Variants in MNDA observed in about 807,000 individuals in gnomAD.
MNDA encodes the protein myeloid cell nuclear differentiation antigen.
In MNDA, 43 loss-of-function variants were observed where a neutral mutation model predicts 37.8. The ratio of observed to expected loss-of-function variants is 1.14; its 90% CI spans 0.89 to 1.47. MNDA has a LOEUF of 1.47. Ranked by LOEUF, MNDA falls within the 40% of genes most tolerant of loss-of-function variation. The pLI is 0.00. For missense variants in MNDA, 536 were observed against 476.0 expected (o/e 1.13, Z -1.17); for synonymous variants, 181 against 169.0 (o/e 1.07, Z -0.55).
Position 158,846,005 on chromosome 1 carries a change from T to C in MNDA, c.987+2T>C, listed in dbSNP as rs751178583. On this transcript the variant is annotated splice_donor_variant, in intron 5 of 6. Coordinates refer to ENST00000368141, the MANE Select transcript of MNDA (RefSeq NM_002432.3). LOFTEE classifies it high-confidence loss of function. ...TATGGGTTGTTTATGTTACAAAAGG[T>C]AAACCCTTAATTTTGTTTTAATTTT... 16 of 1,582,820 alleles carry C rather than the reference T, an allele frequency of 1.0e-5. No individual in the cohort carries two copies. Among genetic ancestry groups the C allele is most frequent in the Admixed American group, 7.5e-5 (4 of 53,356 alleles).
At chr1:158,842,464 C>G in intron 2 of MNDA, 46 bp downstream of exon 2, 1 of 1,560,460 alleles carries the variant, frequency 6.4e-7, no homozygotes. Context: ...TTGAGTCTCC[C>G]CAGTCTTCAG....
At chr1:158,848,154 C>A (rs74707714) in intron 6 of MNDA, among the ~76,000 whole-genome samples, 1 of 152,068 alleles carries the variant, frequency 6.6e-6, no homozygotes, top group South Asian at 2.1e-4. Context: ...ATGTGTCTAG[C>A]GGCAGGGAAC....
At chr1:158,848,152 A>C (rs1659177915) in intron 6 of MNDA, among the ~76,000 whole-genome samples, 1 of 152,210 alleles carries the variant, frequency 6.6e-6, no homozygotes, top group South Asian at 2.1e-4. Flanking sequence ...AGATGTGTCT[A>C]GCGGCAGGGA....
intron 5 of MNDA, among the ~76,000 whole-genome samples, 168 bp from the exon 6 acceptor site, chr1:158,847,560 G>T (rs937289970): frequency 2.0e-5 from 3 of 152,070 alleles, no homozygotes; most frequent in African/African-American, 7.2e-5. Flanking sequence ...AAAAAAAAAT[G>T]CTGGATAATA....
chr1:158,842,243 C>T lies in MNDA; in HGVS notation c.90C>T (p.Ala30=), dbSNP rs1319838907. 2.5e-6 allele frequency: 4 copies of T among 1,613,838 alleles called. No homozygotes were observed. The highest frequency in any genetic ancestry group is 3.4e-6 in the Non-Finnish European group (4 of 1,179,812). ...TTACATCAATTAAGTCCTTACTGGC[C>T]TATGATTTAGGACTAACTACAAAAA... ...YHFTSIKSLL[A]YDLGLTTKMQ... Residue 30 remains alanine (A), a synonymous_variant, in exon 2 of 7, where the codon GCC becomes GCT. Coordinates refer to ENST00000368141, the MANE Select transcript of MNDA (RefSeq NM_002432.3).
In MNDA at chr1:158,843,428, AAG is replaced by A; in HGVS notation, c.402+16_402+17del. 3 of 1,596,386 alleles carry A rather than the reference AAG, an allele frequency of 1.9e-6. No homozygotes were observed. Among genetic ancestry groups the A allele is most frequent in the Non-Finnish European group, 2.6e-6 (3 of 1,172,522 alleles). On this transcript the variant is annotated intron_variant, in intron 3 of 6. Transcript: ENST00000368141. ...TCCTGTAGCTCAGGTAAGCTTGAGA[AAG>A]AGGAGCAGGACTGAAGCCTCACAGA...
Position 158,845,647 on chromosome 1 carries a change from C to G in MNDA, c.631C>G (p.Pro211Ala). 6.2e-7 allele frequency: 1 copy of G among 1,613,998 alleles called. No individual in the cohort carries two copies. The highest frequency in any genetic ancestry group is 8.5e-7 in the Non-Finnish European group (1 of 1,179,928). The change falls in exon 5 of 7, where the codon CCA becomes GCA. Residue 211 changes from proline to alanine, a missense_variant. By Grantham distance (27) the Pro-to-Ala change is conservative. Coordinates refer to ENST00000368141, the MANE Select transcript of MNDA (RefSeq NM_002432.3). ...AAGAAGAAATGTTCCCCAAAACGACCCAGTGACAGTGGTGGTACTGAAAGC... is the reference window on the plus strand; with the variant it reads ...AAGAAGAAATGTTCCCCAAAACGACGCAGTGACAGTGGTGGTACTGAAAGC... ...DARRNVPQND[P>A]VTVVVLKATA...
intron 1 of MNDA, among the ~76,000 whole-genome samples, chr1:158,835,621 C>T (rs11265083): frequency 5.7e-5 from 2 of 35,016 alleles, no homozygotes; most frequent in Non-Finnish European, 1.1e-4. Context: ...TTGGTGGGGG[C>T]GGGGGGTGGG....
At chr1:158,831,855 A>T (rs943227647) in intron 1 of MNDA, among the ~76,000 whole-genome samples, 1 of 152,166 alleles carries the variant, frequency 6.6e-6, no homozygotes, top group Non-Finnish European at 1.5e-5. Flanking sequence ...TGGCTGGAGG[A>T]TGACTTGGTG....
Position 158,843,958 on chromosome 1 carries a change from A to G in MNDA, c.406A>G (p.Arg136Gly), listed in dbSNP as rs767623674. 4.7e-5 allele frequency: 75 copies of G among 1,580,722 alleles called. No homozygotes were observed. In the South Asian group the frequency reaches 6.2e-4, roughly 13 times the overall value. The stretch of plus-strand genomic sequence containing the variant: ...AGGAAAATTAAACTACTTTCAGAAA[A>G]GAAAAACTCCAAACAAAGAAAAGAC... Reference protein sequence around the residue: ...ARGRIPVAQKRKTPNKEKTEA... With the variant: ...ARGRIPVAQKGKTPNKEKTEA... Residue 136 changes from arginine to glycine, a missense_variant, in exon 4 of 7, where the codon AGA becomes GGA. Transcript: ENST00000368141.
intron 1 of MNDA, among the ~76,000 whole-genome samples, chr1:158,837,413 G>A (rs776242108): frequency 3.4e-4 from 52 of 151,612 alleles, no homozygotes; most frequent in Non-Finnish European, 6.9e-4. Context: ...GTTTCTAATT[G>A]TCATATCTTC....
rs950830301 is a variant in MNDA at position 158,849,162 on chromosome 1, A to C, written c.1177-28A>C. The C allele has an allele frequency of 3.2e-6, 5 of 1,576,134 alleles. No individual in the cohort carries two copies. The African/African-American group carries it at 6.8e-5, about 21-fold the overall frequency. ...GCTTCATTTCAATATCTAGGGTCTC[A>C]TTATGTCTTTCTTATCTCTCTTTAA... On this transcript the variant is annotated intron_variant, in intron 6 of 6. Coordinates refer to ENST00000368141, the MANE Select transcript of MNDA (RefSeq NM_002432.3).
At chr1:158,844,170 A>T (rs768618151) in intron 4 of MNDA, 48 bp downstream of exon 4, 1 of 1,424,960 alleles carries the variant, frequency 7.0e-7, no homozygotes, top group Non-Finnish European at 9.4e-7. Context: ...ACCCAGTCAC[A>T]GTGCATTCCA....
At chr1:158,848,668 T>A (rs922396892) in intron 6 of MNDA, among the ~76,000 whole-genome samples, 1 of 152,172 alleles carries the variant, frequency 6.6e-6, no homozygotes, top group Non-Finnish European at 1.5e-5. Context: ...ATCACTTTGA[T>A]ATTTTAGCAA....
chr1:158,834,628 T>C (rs970398293), intron 1 of MNDA, among the ~76,000 whole-genome samples: 1 of 152,188 alleles, frequency 6.6e-6, no homozygotes, highest in African/African-American at 2.4e-5. Flanking sequence ...GTTGTTGTAG[T>C]CTAATTTATC....
chr1:158,836,960 C>T lies in MNDA; in HGVS notation c.-20-5174C>T, dbSNP rs115161270. 4.3e-3 allele frequency among the ~76,000 whole-genome samples: 659 copies of T among 151,762 alleles called. 3 individuals carry two copies. Among genetic ancestry groups the T allele is most frequent in the African/African-American group, 0.015 (616 of 41,492 alleles). On this transcript the variant is annotated intron_variant, in intron 1 of 6. Coordinates refer to ENST00000368141, the MANE Select transcript of MNDA (RefSeq NM_002432.3). Reference sequence around the variant, plus strand: ...TAAATTTGACTTGTGATTCTTTGTACATGTTTCATTGTTTGTGTTGTTTAT... The same window carrying T: ...TAAATTTGACTTGTGATTCTTTGTATATGTTTCATTGTTTGTGTTGTTTAT...
intron 1 of MNDA, among the ~76,000 whole-genome samples, chr1:158,833,772 T>C (rs764884094): frequency 1.2e-4 from 18 of 152,236 alleles, no homozygotes; most frequent in Non-Finnish European, 2.6e-4. Flanking sequence ...CTTGTAATAC[T>C]TTCACATTTT....
chr1:158,842,563 C>T, intron 2 of MNDA, 145 bp downstream of exon 2: 1 of 745,676 alleles, frequency 1.3e-6, no homozygotes, highest in Non-Finnish European at 2.2e-6. Flanking sequence ...AGAGACTGAC[C>T]AGTTGGCAAT....
At chr1:158,835,962 A>G (rs1452362570) in intron 1 of MNDA, among the ~76,000 whole-genome samples, 2 of 151,812 alleles carry the variant, frequency 1.3e-5, no homozygotes, top group African/African-American at 4.8e-5. Flanking sequence ...AAAAATGAGC[A>G]TCTGTGTATT....
Sources: gnomAD v4.1 joint callset for allele counts (sites outside exome capture counted in the v4.1 genomes callset) on GRCh38, gnomAD v4.1.1 for gene constraint, MANE v1.5 for transcripts, NCBI Gene and HGNC (gene_info 2026-07-23, HGNC 2026-07-21) for gene names.